Variants in CEP350 observed in about 807,000 individuals in gnomAD.
The protein encoded by CEP350 is centrosomal protein 350.
CEP350 carries 126 observed loss-of-function variants against 331.8 expected under a neutral mutation model. The ratio of observed to expected loss-of-function variants is 0.38; its 90% confidence interval spans 0.33 to 0.44. The LOEUF (loss-of-function observed/expected upper bound fraction) is 0.44. CEP350 is among the 20% of genes least tolerant of loss of function. The pLI is 1.00. For missense variants in CEP350, 3,406 were observed against 3,634.6 expected, an observed-to-expected ratio of 0.94 and a Z score of 1.62; for synonymous variants, 1,200 against 1,259.5, an observed-to-expected ratio of 0.95 and a Z score of 1.00.
chr1:179,979,391 T>G (rs1339208544), intron 1 of CEP350, among the ~76,000 whole-genome samples: 4 of 34,816 alleles, frequency 1.1e-4, no homozygotes, highest in African/African-American at 2.1e-4. Context: ...ATTTGGGGTG[T>G]TTTTTTTTTT....
At chr1:179,968,192 A>G (rs746917316) in intron 1 of CEP350, among the ~76,000 whole-genome samples, 8 of 152,058 alleles carry the variant, frequency 5.3e-5, no homozygotes, top group Admixed American at 6.5e-5. Context: ...TTAGCTGGGC[A>G]TGATGGTATG....
At chr1:179,966,819 T>TGG (rs946351431) in intron 1 of CEP350, among the ~76,000 whole-genome samples, 2 of 152,144 alleles carry the variant, frequency 1.3e-5, no homozygotes, top group Admixed American at 1.3e-4. Flanking sequence ...AAATGCACAC[T>TGG]GATGGAGCTT....
Position 180,014,883 on chromosome 1 carries a change from C to T in CEP350, c.2052+378C>T, listed in dbSNP as rs566293908. On this transcript the variant is annotated intron_variant, in intron 10 of 37. Transcript: ENST00000367607. ...TTTTGATTCTCCAAAAACTGAACTA[C>T]TAATAGCCAGCTGTTGACTGGAAGC... Among the ~76,000 whole-genome samples the T allele has an allele frequency of 2.6e-5, 4 of 152,304 alleles. 1 individual carries two copies. In the South Asian group the frequency reaches 6.2e-4, roughly 24 times the overall value.
Position 180,004,926 on chromosome 1 carries a change from T to C in CEP350, c.1133-1528T>C, listed in dbSNP as rs1253932310. Among the ~76,000 whole-genome samples, 10 of 41,054 alleles carry C rather than the reference T, an allele frequency of 2.4e-4. 1 individual carries two copies. The East Asian group carries it at 0.02, about 80-fold the overall frequency. The allele number at this position is 41,054 out of a possible 152,430, so 26.9% of individuals were successfully genotyped here. A position where few individuals can be genotyped will look rare whatever the true frequency, so the allele number is the denominator to read the frequency against. On this transcript the variant is annotated intron_variant, in intron 7 of 37. Transcript: ENST00000367607. ...TGCTTGCTTTCTTTCTTTCTTTCTTTCTTTCTTTCTTTCTTTCTTTCTTTC... is the reference window on the plus strand; with the variant it reads ...TGCTTGCTTTCTTTCTTTCTTTCTTCCTTTCTTTCTTTCTTTCTTTCTTTC...
intron 27 of CEP350, chr1:180,073,918 C>T (rs749091765): frequency 6.9e-6 from 9 of 1,304,526 alleles, no homozygotes; most frequent in South Asian, 3.7e-5. Flanking sequence ...GGTAACTTTG[C>T]ACCTTTTTCA....
intron 37 of CEP350, among the ~76,000 whole-genome samples, chr1:180,109,961 A>T (rs1661387282): frequency 6.6e-6 from 1 of 152,230 alleles, no homozygotes. Flanking sequence ...TTTAGAATAA[A>T]GTAGGTTTTT....
Position 180,071,421 on chromosome 1 carries a change from T to C in CEP350, c.5568-3601T>C, listed in dbSNP as rs560499335. ...TTGTAGTGAGCTGAGGTCGCACCAT[T>C]GCACTCTAGTCTGGGCAACACGAGT... On this transcript the variant is annotated intron_variant, in intron 27 of 37. Coordinates refer to ENST00000367607, the MANE Select transcript of CEP350 (RefSeq NM_014810.5). 2.1e-5 allele frequency among the ~76,000 whole-genome samples: 3 copies of C among 146,100 alleles called. No homozygotes were observed. The East Asian group carries it at 6.0e-4, about 29-fold the overall frequency.
chr1:180,032,897 A>G (rs1031649011), intron 15 of CEP350, among the ~76,000 whole-genome samples: 1 of 152,138 alleles, frequency 6.6e-6, no homozygotes. Context: ...CATACATGAA[A>G]TAGACTGTTA....
At chr1:180,004,471 A>T (rs879477710) in intron 7 of CEP350, among the ~76,000 whole-genome samples, 6 of 152,206 alleles carry the variant, frequency 3.9e-5, no homozygotes, top group African/African-American at 1.2e-4. Flanking sequence ...ACATGCTGTT[A>T]TATCAGTCAT....
chr1:179,990,201 A>G (rs561072001), intron 3 of CEP350, among the ~76,000 whole-genome samples: 3 of 152,074 alleles, frequency 2.0e-5, no homozygotes, highest in African/African-American at 7.2e-5. Context: ...AAAAAGTCAG[A>G]TAATTTACTA....
intron 25 of CEP350, among the ~76,000 whole-genome samples, chr1:180,060,615 C>T (rs891016004): frequency 7.2e-5 from 11 of 152,210 alleles, no homozygotes; most frequent in African/African-American, 2.4e-4. Context: ...CTGTACTACT[C>T]CAGCCTGGGC....
chr1:180,025,453 C>T (rs1655610062), intron 14 of CEP350, among the ~76,000 whole-genome samples: 2 of 152,086 alleles, frequency 1.3e-5, no homozygotes, highest in African/African-American at 4.8e-5. Flanking sequence ...TTGAGATGCC[C>T]TTCAATGTCC....
intron 1 of CEP350, among the ~76,000 whole-genome samples, chr1:179,979,390 GT>G (rs34642448): frequency 1.3e-3 from 162 of 129,550 alleles, no homozygotes; most frequent in South Asian, 2.2e-3. Context: ...TATTTGGGGT[GT>G]TTTTTTTTTT....
intron 1 of CEP350, among the ~76,000 whole-genome samples, chr1:179,982,854 G>A (rs189313930): frequency 5.3e-5 from 8 of 152,278 alleles, no homozygotes; most frequent in African/African-American, 1.2e-4. Context: ...CTTGTGGCGC[G>A]ATCTTGGCTC....
intron 28 of CEP350, among the ~76,000 whole-genome samples, chr1:180,077,485 G>C (rs572964693): frequency 2.6e-5 from 4 of 151,704 alleles, no homozygotes; most frequent in African/African-American, 9.7e-5. Context: ...ACAAGCCTGG[G>C]CAACATGACC....
intron 1 of CEP350, chr1:179,969,350 A>G (rs1651258580): frequency 1.2e-5 from 6 of 514,744 alleles, no homozygotes; most frequent in South Asian, 8.4e-5. Flanking sequence ...GGAGTTTAAC[A>G]CTACTCAGCC....
At chr1:180,031,870 C>A (rs1203174411) in intron 15 of CEP350, among the ~76,000 whole-genome samples, 1 of 152,088 alleles carries the variant, frequency 6.6e-6, no homozygotes, top group Non-Finnish European at 1.5e-5. Flanking sequence ...GTGCATAACT[C>A]TACTTGAAGT....
Position 180,110,209 on chromosome 1 carries a change from T to C in CEP350, c.9190-788T>C, listed in dbSNP as rs114153148. 3.4e-3 allele frequency among the ~76,000 whole-genome samples: 511 copies of C among 152,370 alleles called. 2 individuals carry two copies. Among genetic ancestry groups the C allele is most frequent in the African/African-American group, 0.012 (481 of 41,598 alleles). ...AGTCACATTCAGTATTGTCTTTCGA[T>C]ATATGCATTTTATAATTGTAAATCC... On this transcript the variant is annotated intron_variant, in intron 37 of 37. Transcript: ENST00000367607.
In CEP350 at chr1:180,058,301, T is replaced by A. The variant is rs185965933; in HGVS notation, c.5262+3799T>A. On this transcript the variant is annotated intron_variant, in intron 25 of 37. Coordinates refer to ENST00000367607, the MANE Select transcript of CEP350 (RefSeq NM_014810.5). The stretch of plus-strand genomic sequence containing the variant: ...TCTGAAATGATAGTAATTTTCTTTA[T>A]CTGTGTTGTCCAATACTGTAGCTAC... Among the ~76,000 whole-genome samples, 24 of 152,334 alleles carry A rather than the reference T, an allele frequency of 1.6e-4. No individual in the cohort carries two copies. In the East Asian group the frequency reaches 4.6e-3, roughly 29 times the overall value.
Sources: gnomAD v4.1 joint callset for allele counts (sites outside exome capture counted in the v4.1 genomes callset) on GRCh38, gnomAD v4.1.1 for gene constraint, MANE v1.5 for transcripts, NCBI Gene and HGNC (gene_info 2026-07-23, HGNC 2026-07-21) for gene names.